The following LMX1B variants were observed in gnomAD, a reference collection of about 807,000 sequenced individuals.
LMX1B encodes LIM homeobox transcription factor 1-beta.
Under a neutral mutation model 51.4 loss-of-function variants are expected in LMX1B, and 12 were observed. That is an observed-to-expected ratio of 0.23 (90% confidence interval 0.15 to 0.38). LMX1B has a LOEUF of 0.38. Among genes scored for constraint, LMX1B ranks in the 10% least tolerant of loss-of-function variants. The pLI is 1.00. For synonymous variants in LMX1B, 237 were observed against 235.4 expected (o/e 1.01, Z -0.06); for missense variants, 445 against 571.1 (o/e 0.78, Z 2.25).
At position 126,688,467 on chromosome 9, in the gene LMX1B, G is replaced by A. The variant is rs367942109; in HGVS notation, c.327-2369G>A. On this transcript the variant is annotated intron_variant, in intron 2 of 7. Coordinates refer to ENST00000373474, the MANE Select transcript of LMX1B (RefSeq NM_001174147.2). ...TCCACTCAGAGGCCGCAGAGGTCAG[G>A]CTGCAGACCTTAGTGTGGCCACTAG... 2.6e-5 allele frequency among the ~76,000 whole-genome samples: 4 copies of A among 152,226 alleles called. No individual in the cohort carries two copies. The South Asian group carries it at 6.2e-4, about 24-fold the overall frequency.
intron 2 of LMX1B, among the ~76,000 whole-genome samples, chr9:126,648,894 G>A (rs1422077182): frequency 6.6e-6 from 1 of 152,142 alleles, no homozygotes; most frequent in Non-Finnish European, 1.5e-5. Flanking sequence ...AACTCCCAGA[G>A]GCAGAGCTCC....
chr9:126,692,432 C>T (rs374189306), intron 3 of LMX1B, among the ~76,000 whole-genome samples: 1 of 152,236 alleles, frequency 6.6e-6, no homozygotes, highest in East Asian at 1.9e-4. Context: ...GGGGAAGTGC[C>T]ATGTGTGCAT....
chr9:126,696,409 C>A lies in LMX1B; in HGVS notation c.1167C>A (p.Ile389=). 5.0e-6 allele frequency: 8 copies of A among 1,614,100 alleles called. No individual in the cohort carries two copies. The highest frequency in any genetic ancestry group is 6.8e-6 in the Non-Finnish European group (8 of 1,179,980). The stretch of plus-strand genomic sequence containing the variant: ...TGCAGGCCCGCGTGGGGAACCCCAT[C>A]GACCGGCTCTACTCCATGCAGAGTT... ...GSLQARVGNP[I]DRLYSMQSSY... The change falls in exon 8 of 8, where the codon ATC becomes ATA. Residue 389 remains isoleucine, a synonymous_variant. Transcript: ENST00000373474.
chr9:126,693,766 G>A lies in LMX1B; in HGVS notation c.840G>A (p.Arg280=). Residue 280 remains arginine, a synonymous_variant, in exon 6 of 8, where the codon CGG becomes CGA. Coordinates refer to ENST00000373474, the MANE Select transcript of LMX1B (RefSeq NM_001174147.2). ...TGCAGATGAAGAAGCTGGCGCGGCG[G>A]CACCAGCAGCAGCAGGAGCAGCAGA... ...QRAKMKKLAR[R]HQQQQEQQNS... is the part of the protein sequence containing the mutation. 7.2e-6 allele frequency: 11 copies of A among 1,522,882 alleles called. No homozygotes were observed. The highest frequency in any genetic ancestry group is 8.0e-6 in the Non-Finnish European group (9 of 1,125,924). 94.3% of individuals were successfully genotyped at this position (1,522,882 alleles called of 1,614,324 possible).
chr9:126,681,581 T>C (rs1034496346), intron 2 of LMX1B, among the ~76,000 whole-genome samples: 12 of 148,260 alleles, frequency 8.1e-5, no homozygotes, highest in South Asian at 4.5e-4. Flanking sequence ...GTGCCCCCCC[T>C]ACAGGTGCCT....
chr9:126,664,604 G>A (rs1435414935), intron 2 of LMX1B, among the ~76,000 whole-genome samples: 1 of 152,182 alleles, frequency 6.6e-6, no homozygotes, highest in African/African-American at 2.4e-5. Context: ...GGCTGGGCGC[G>A]GTGGCTCACG....
chr9:126,614,701 G>A (rs937662726), intron 1 of LMX1B, 113 bp downstream of exon 1: 3 of 1,201,982 alleles, frequency 2.5e-6, no homozygotes, highest in South Asian at 1.8e-5. Context: ...TGCAGGACAT[G>A]GGGAGGAGGC....
chr9:126,664,984 T>G (rs185735369), intron 2 of LMX1B, among the ~76,000 whole-genome samples: 2 of 152,360 alleles, frequency 1.3e-5, no homozygotes, highest in Admixed American at 1.3e-4. Flanking sequence ...TGAAGGTATC[T>G]CTCTCATTGG....
At chr9:126,656,116 A>G (rs1278856678) in intron 2 of LMX1B, among the ~76,000 whole-genome samples, 5 of 152,332 alleles carry the variant, frequency 3.3e-5, no homozygotes, top group South Asian at 4.1e-4. Context: ...GAGAATTCAC[A>G]TTGTCTGACC....
intron 2 of LMX1B, among the ~76,000 whole-genome samples, chr9:126,638,721 T>C (rs901568432): frequency 2.0e-5 from 3 of 152,150 alleles, no homozygotes; most frequent in African/African-American, 7.2e-5. Flanking sequence ...AGCTGTGCTC[T>C]TCGGAGCGCG....
Position 126,658,876 on chromosome 9 carries a change from G to A in LMX1B, c.327-31960G>A, listed in dbSNP as rs1488491346. Among the ~76,000 whole-genome samples the A allele has an allele frequency of 6.6e-6, 1 of 152,200 alleles. No individual in the cohort carries two copies. The highest frequency in any genetic ancestry group is 1.5e-5 in the Non-Finnish European group (1 of 68,024). ...GCCTGGTTTGCTGTGGAGAGAAGGA[G>A]GACTTCCTGGGGACATGAGAAGTCC... On this transcript the variant is annotated intron_variant, in intron 2 of 7. Transcript: ENST00000373474. This position sits in a 1 kb window ranked among gnomAD's most constrained non-coding sequence, Gnocchi z 4.0.
intron 2 of LMX1B, among the ~76,000 whole-genome samples, chr9:126,639,430 C>T (rs965320434): frequency 3.9e-5 from 6 of 152,246 alleles, no homozygotes; most frequent in South Asian, 2.1e-4. Flanking sequence ...CCCCTCTACC[C>T]GCCTGGAGGG....
chr9:126,644,310 G>A (rs769314476), intron 2 of LMX1B, among the ~76,000 whole-genome samples: 1 of 152,192 alleles, frequency 6.6e-6, no homozygotes, highest in Non-Finnish European at 1.5e-5. Context: ...CCTGTTTGTT[G>A]GGTGAGCTAT....
intron 2 of LMX1B, among the ~76,000 whole-genome samples, chr9:126,633,986 C>A (rs10732393): frequency 6.6e-6 from 1 of 151,684 alleles, no homozygotes; most frequent in Non-Finnish European, 1.5e-5. Context: ...TCCCCCTGTG[C>A]CTCCCGCTTT....
At chr9:126,678,335 A>AAAAAAAAAAAC (rs1836610286) in intron 2 of LMX1B, among the ~76,000 whole-genome samples, 2 of 141,320 alleles carry the variant, frequency 1.4e-5, no homozygotes, top group African/African-American at 5.6e-5. Context: ...AAAACAAAAA[A>AAAAAAAAAAAC]AAAAAACAAA....
chr9:126,661,217 T>C (rs1588287196), intron 2 of LMX1B, among the ~76,000 whole-genome samples: 1 of 138,940 alleles, frequency 7.2e-6, no homozygotes, highest in African/African-American at 2.5e-5. Flanking sequence ...CAGGGCGACC[T>C]CTCAGGCCAG....
At chr9:126,678,329 C>CAAAA (rs942985684) in intron 2 of LMX1B, among the ~76,000 whole-genome samples, 4 of 117,820 alleles carry the variant, frequency 3.4e-5, no homozygotes, top group African/African-American at 1.8e-4. Flanking sequence ...AAACAAAAAA[C>CAAAA]AAAAAAAAAA....
chr9:126,693,743 CA>C lies in LMX1B; in HGVS notation c.820-2del. ...ACCGGCCTGAACTGCGCTCTCCCTGCAGATGAAGAAGCTGGCGCGGCGGCAC... is the reference window on the plus strand; with the variant it reads ...ACCGGCCTGAACTGCGCTCTCCCTGCGATGAAGAAGCTGGCGCGGCGGCAC... On this transcript the variant is annotated splice_acceptor_variant, in intron 5 of 7. Coordinates refer to ENST00000373474, the MANE Select transcript of LMX1B (RefSeq NM_001174147.2). LOFTEE classifies it high-confidence loss of function. 6.4e-7 allele frequency: 1 copy of C among 1,560,826 alleles called. No homozygotes were observed. The highest frequency in any genetic ancestry group is 8.7e-7 in the Non-Finnish European group (1 of 1,153,716).
At chr9:126,692,529 C>T (rs1236059145) in intron 3 of LMX1B, among the ~76,000 whole-genome samples, 1 of 152,218 alleles carries the variant, frequency 6.6e-6, no homozygotes, top group East Asian at 1.9e-4. Flanking sequence ...CTGTACGTTC[C>T]TGCCCGTGAG....
Sources: gnomAD v4.1 joint callset for allele counts (sites outside exome capture counted in the v4.1 genomes callset) on GRCh38, gnomAD v4.1.1 for gene constraint, Gnocchi (gnomAD v3.1) non-coding constraint, MANE v1.5 for transcripts, NCBI Gene and HGNC (gene_info 2026-07-23, HGNC 2026-07-21) for gene names.